TDP1: variants seen among roughly 807,000 people sequenced by gnomAD.
TDP1 encodes the protein tyrosyl-DNA phosphodiesterase 1.
TDP1 carries 64 observed loss-of-function variants against 81.5 expected under a neutral mutation model. The observed-to-expected ratio is 0.79, with a 90% CI of 0.64 to 0.97. The LOEUF (loss-of-function observed/expected upper bound fraction) is 0.97, where lower values mean the gene tolerates loss of function less well. Ranked by LOEUF, TDP1 falls within the 50% of genes least tolerant of loss-of-function variation. The pLI, the probability that TDP1 is intolerant of heterozygous loss-of-function variation, is 0.00. For synonymous variants in TDP1, 256 were observed against 264.3 expected, an observed-to-expected ratio of 0.97 and a Z score of 0.30; for missense variants, 723 against 743.8, an observed-to-expected ratio of 0.97 and a Z score of 0.33.
Position 90,043,144 on chromosome 14 carries a change from G to A in TDP1, c.*1G>A. 6.2e-7 allele frequency: 1 copy of A among 1,614,178 alleles called. No homozygotes were observed. The highest frequency in any genetic ancestry group is 8.5e-7 in the Non-Finnish European group (1 of 1,180,030). On this transcript the variant is annotated 3_prime_UTR_variant, in exon 17 of 17. Coordinates refer to ENST00000335725, the MANE Select transcript of TDP1 (RefSeq NM_018319.4). Reference sequence around the variant, plus strand: ...TGGGAACATGTGGGTGCCCTCCTGAGAATCTTGAGGCACTGTGAAATTTAA... The same window carrying A: ...TGGGAACATGTGGGTGCCCTCCTGAAAATCTTGAGGCACTGTGAAATTTAA...
intron 14 of TDP1, among the ~76,000 whole-genome samples, chr14:89,999,062 T>C (rs1264799400): frequency 6.6e-6 from 1 of 152,240 alleles, no homozygotes; most frequent in African/African-American, 2.4e-5. Flanking sequence ...CAGCTTATAC[T>C]CAAATAGTGT....
At chr14:90,030,267 G>T (rs1427229396) in intron 15 of TDP1, among the ~76,000 whole-genome samples, 1 of 152,144 alleles carries the variant, frequency 6.6e-6, no homozygotes, top group Non-Finnish European at 1.5e-5. Context: ...CAGTGCCCTC[G>T]CCCTCCCGGG....
chr14:90,024,822 T>TA (rs1886467635), intron 15 of TDP1, among the ~76,000 whole-genome samples: 1 of 152,212 alleles, frequency 6.6e-6, no homozygotes, highest in Non-Finnish European at 1.5e-5. Context: ...GGCCAGGAGT[T>TA]AATATCTTTT....
chr14:89,970,122 C>T (rs978348655), intron 5 of TDP1, among the ~76,000 whole-genome samples: 5 of 151,848 alleles, frequency 3.3e-5, no homozygotes, highest in Admixed American at 6.6e-5. Context: ...GTGATCTGCC[C>T]GCCTCGGCCT....
At chr14:90,031,346 A>AACT (rs1887264680) in intron 15 of TDP1, among the ~76,000 whole-genome samples, 1 of 142,858 alleles carries the variant, frequency 7.0e-6, no homozygotes, top group African/African-American at 2.6e-5. Context: ...CCTATGAGTG[A>AACT]GAATATGCGG....
rs35854194 is a variant in TDP1, at chr14:89,985,736, A to G, written c.1131+526A>G. ...CTTTTTAGGTGGTTTACTGACCTTA[A>G]TAAATTCCCTGGCCAGGTGTGGTGG... On this transcript the variant is annotated intron_variant, in intron 10 of 16. Coordinates refer to ENST00000335725, the MANE Select transcript of TDP1 (RefSeq NM_018319.4). Among the ~76,000 whole-genome samples, 907 of 152,320 alleles carry G rather than the reference A, an allele frequency of 6.0e-3. 6 individuals are homozygous for G. Among genetic ancestry groups the G allele is most frequent in the African/African-American group, 0.021 (870 of 41,574 alleles).
At chr14:89,965,999 A>G (rs890984977) in intron 3 of TDP1, 148 bp from the exon 4 acceptor site, 2 of 1,030,512 alleles carry the variant, frequency 1.9e-6, no homozygotes, top group Non-Finnish European at 2.8e-6. Context: ...TTTATGAAAC[A>G]TTAAAGTCTG....
intron 9 of TDP1, 135 bp from the exon 10 acceptor site, chr14:89,984,997 G>A: frequency 7.3e-7 from 1 of 1,370,504 alleles, no homozygotes; most frequent in East Asian, 2.5e-5. Flanking sequence ...ATGAATTTGA[G>A]AGTCAATTCA....
Position 90,008,348 on chromosome 14 carries a change from C to CAT in TDP1, c.1542-10967_1542-10966dup, listed in dbSNP as rs151080421. ...ATTAGTTTTGTTTTCAGCTGTGACT[C>CAT]ATGGTATTTAATTCATCAGTAGAGT... On this transcript the variant is annotated intron_variant, in intron 14 of 16. Transcript: ENST00000335725. Among the ~76,000 whole-genome samples the CAT allele has an allele frequency of 3.8e-3, 586 of 152,280 alleles. 2 individuals carry two copies. The highest frequency in any genetic ancestry group is 0.014 in the African/African-American group (566 of 41,558).
chr14:89,965,922 G>A, intron 3 of TDP1: 24 of 936,220 alleles, frequency 2.6e-5, no homozygotes, highest in Non-Finnish European at 3.1e-5. Context: ...GTAGATTTTG[G>A]TTTTGCATTG....
intron 13 of TDP1, among the ~76,000 whole-genome samples, chr14:89,992,696 T>C (rs922290180): frequency 2.6e-5 from 4 of 152,350 alleles, no homozygotes; most frequent in Admixed American, 1.3e-4. Context: ...ATTATATTAT[T>C]AAATTCACTT....
intron 8 of TDP1, among the ~76,000 whole-genome samples, chr14:89,982,089 A>G (rs1433323534): frequency 6.6e-6 from 1 of 152,138 alleles, no homozygotes; most frequent in Non-Finnish European, 1.5e-5. Context: ...AGAGTTTGAA[A>G]GGGAGTCTTG....
At chr14:89,987,495 CT>C in intron 10 of TDP1, among the ~76,000 whole-genome samples, 1 of 152,214 alleles carries the variant, frequency 6.6e-6, no homozygotes, top group Non-Finnish European at 1.5e-5. Flanking sequence ...AAAGTGGACA[CT>C]TTTAAAAGGG....
intron 2 of TDP1, among the ~76,000 whole-genome samples, chr14:89,960,321 T>C (rs112674087): frequency 1.7e-3 from 263 of 152,194 alleles, no homozygotes; most frequent in African/African-American, 5.9e-3. Context: ...AAAAACCACC[T>C]CTGAGCTGCT....
rs1462755052 is a variant in TDP1 at position 90,044,510 on chromosome 14, A to G, written c.*1367A>G. 6.6e-6 allele frequency: 1 copy of G among 152,192 alleles called. No homozygotes were observed. The highest frequency in any genetic ancestry group is 1.5e-5 in the Non-Finnish European group (1 of 68,030). The allele number at this position is 152,192 out of a possible 1,614,324, so 9.4% of individuals were successfully genotyped here. ...GAACGTTAGTCTTGAAAGATTTTCT[A>G]AAGTAGTCTTTCAAACTGTTCCTCA... On this transcript the variant is annotated 3_prime_UTR_variant, in exon 17 of 17. Coordinates refer to ENST00000335725, the MANE Select transcript of TDP1 (RefSeq NM_018319.4).
intron 14 of TDP1, among the ~76,000 whole-genome samples, chr14:90,006,425 C>G (rs1281892911): frequency 6.6e-6 from 1 of 152,130 alleles, no homozygotes; most frequent in Non-Finnish European, 1.5e-5. Flanking sequence ...GTCACTCAGG[C>G]TGGAGTGCAA....
intron 15 of TDP1, 126 bp from the exon 16 acceptor site, chr14:90,032,980 C>T (rs728286): frequency 2.6e-6 from 3 of 1,148,414 alleles, no homozygotes; most frequent in Admixed American, 4.8e-5. Context: ...ATTGAAAATA[C>T]CTCCAAAATA....
chr14:90,023,097 A>T, intron 15 of TDP1: 1 of 761,068 alleles, frequency 1.3e-6, no homozygotes, highest in Non-Finnish European at 2.4e-6. Flanking sequence ...GGATAAGCTG[A>T]GGAAACAGAC....
At chr14:90,029,816 T>C (rs1887081675) in intron 15 of TDP1, among the ~76,000 whole-genome samples, 1 of 152,204 alleles carries the variant, frequency 6.6e-6, no homozygotes, top group African/African-American at 2.4e-5. Context: ...TTTTAATAGC[T>C]GTGTGGCCTT....
Sources: gnomAD v4.1 joint callset for allele counts (sites outside exome capture counted in the v4.1 genomes callset) on GRCh38, gnomAD v4.1.1 for gene constraint, MANE v1.5 for transcripts, NCBI Gene and HGNC (gene_info 2026-07-23, HGNC 2026-07-21) for gene names.